The following PTPRG variants were observed in gnomAD, a reference collection of about 807,000 sequenced individuals.
PTPRG encodes the protein protein tyrosine phosphatase receptor type G, also known as receptor-type tyrosine-protein phosphatase gamma.
Under a neutral mutation model 165.3 loss-of-function variants are expected in PTPRG, and 102 were observed. That is an observed-to-expected ratio of 0.62 (90% CI 0.53 to 0.73). PTPRG has a LOEUF of 0.73. PTPRG is among the 30% of genes least tolerant of loss of function. The pLI, the probability that PTPRG is intolerant of heterozygous loss-of-function variation, is 0.00. For missense variants in PTPRG, 1,866 were observed against 1,861.4 expected, an observed-to-expected ratio of 1.00 and a Z score of -0.05; for synonymous variants, 675 against 669.5, an observed-to-expected ratio of 1.01 and a Z score of -0.13.
At chr3:61,948,251 G>A (rs1414165203) in intron 2 of PTPRG, among the ~76,000 whole-genome samples, 4 of 152,154 alleles carry the variant, frequency 2.6e-5, no homozygotes, top group Non-Finnish European at 5.9e-5. Context: ...CTTGAACCCA[G>A]GAGGTGGAGG....
At chr3:61,976,798 C>G (rs944830461) in intron 2 of PTPRG, among the ~76,000 whole-genome samples, 5 of 151,646 alleles carry the variant, frequency 3.3e-5, no homozygotes, top group African/African-American at 9.7e-5. Flanking sequence ...GCCTCAGCCT[C>G]CCGAGTAGCT....
chr3:61,630,714 C>T (rs1701750857), intron 1 of PTPRG, among the ~76,000 whole-genome samples: 2 of 152,136 alleles, frequency 1.3e-5, no homozygotes, highest in Non-Finnish European at 2.9e-5. Context: ...TATTCGCACA[C>T]TTGCCCCAAA....
intron 2 of PTPRG, among the ~76,000 whole-genome samples, chr3:61,871,194 T>TGTTAC (rs2037569796): frequency 6.7e-6 from 1 of 148,706 alleles, no homozygotes; most frequent in Non-Finnish European, 1.5e-5. Context: ...TGTTATGTTA[T>TGTTAC]GTTATGTTAT....
chr3:61,642,809 A>G (rs1207218181), intron 1 of PTPRG, among the ~76,000 whole-genome samples: 1 of 152,178 alleles, frequency 6.6e-6, no homozygotes, highest in East Asian at 1.9e-4. Context: ...GAGTGATGGA[A>G]ATAGACAATT....
chr3:61,673,858 C>T (rs1703118595), intron 1 of PTPRG, among the ~76,000 whole-genome samples: 1 of 152,092 alleles, frequency 6.6e-6, no homozygotes. Flanking sequence ...TGGCTTTGTC[C>T]ATAAAAACGT....
intron 1 of PTPRG, among the ~76,000 whole-genome samples, chr3:61,709,299 AT>A (rs2031430166): frequency 6.6e-6 from 1 of 152,042 alleles, no homozygotes; most frequent in Admixed American, 6.6e-5. Context: ...AAACAGTTGC[AT>A]TTTATTTTTT....
At chr3:61,664,214 A>G (rs951108177) in intron 1 of PTPRG, among the ~76,000 whole-genome samples, 2 of 152,166 alleles carry the variant, frequency 1.3e-5, no homozygotes, top group African/African-American at 4.8e-5. Context: ...TTCCCACTCT[A>G]CATGCTCCTT....
At position 62,219,557 on chromosome 3, in the gene PTPRG, C is replaced by A. The variant is rs551108550; in HGVS notation, c.2288+574C>A. ...CTCATGGGAAGCCAGGTTGCAGCCT[C>A]TGTTTAGAAGTTGTGTTTTTTCAGC... On this transcript the variant is annotated intron_variant, in intron 13 of 29. Coordinates refer to ENST00000474889, the MANE Select transcript of PTPRG (RefSeq NM_002841.4). This position sits in a 1 kb window ranked among gnomAD's most constrained non-coding sequence, Gnocchi z 4.5. Among the ~76,000 whole-genome samples the A allele has an allele frequency of 6.6e-6, 1 of 152,204 alleles. No individual in the cohort carries two copies. Among genetic ancestry groups the A allele is most frequent in the Non-Finnish European group, 1.5e-5 (1 of 68,034 alleles).
At chr3:61,705,257 T>G (rs1442682383) in intron 1 of PTPRG, among the ~76,000 whole-genome samples, 1 of 152,122 alleles carries the variant, frequency 6.6e-6, no homozygotes, top group Non-Finnish European at 1.5e-5. Flanking sequence ...CAAGTGGAAA[T>G]TACAGTTCTG....
chr3:62,059,711 A>G (rs780955073), intron 4 of PTPRG, among the ~76,000 whole-genome samples: 2 of 152,154 alleles, frequency 1.3e-5, no homozygotes, highest in Non-Finnish European at 2.9e-5. Context: ...ATCTTGAATT[A>G]TAGTTTCCAT....
At position 61,941,845 on chromosome 3, in the gene PTPRG, A is replaced by ATT. The variant is rs532873967; in HGVS notation, c.191-47770_191-47769dup. 5.4e-4 allele frequency among the ~76,000 whole-genome samples: 80 copies of ATT among 148,722 alleles called. 1 individual carries two copies. The East Asian group carries it at 6.9e-3, about 13-fold the overall frequency. Reference sequence around the variant, plus strand: ...TTTGCTAACCAGCATGTAAGAATAGATTTTTTTTTTTCTTTAGAAAGCCAG... The same window carrying ATT: ...TTTGCTAACCAGCATGTAAGAATAGATTTTTTTTTTTTTCTTTAGAAAGCCAG... On this transcript the variant is annotated intron_variant, in intron 2 of 29. Transcript: ENST00000474889.
intron 2 of PTPRG, among the ~76,000 whole-genome samples, chr3:61,928,484 CA>C (rs1302274262): frequency 5.3e-5 from 8 of 152,150 alleles, no homozygotes; most frequent in African/African-American, 1.9e-4. Context: ...AAGAAAAAGT[CA>C]TAGCAATTGT....
chr3:62,183,481 T>C (rs1705740223), intron 8 of PTPRG, among the ~76,000 whole-genome samples: 1 of 151,656 alleles, frequency 6.6e-6, no homozygotes, highest in Admixed American at 6.6e-5. Flanking sequence ...TGAGAATTGC[T>C]TGAATCCAGG....
chr3:61,656,387 A>G (rs1015797183), intron 1 of PTPRG, among the ~76,000 whole-genome samples: 4 of 152,134 alleles, frequency 2.6e-5, no homozygotes, highest in African/African-American at 7.2e-5. Flanking sequence ...ATAGCCCCCA[A>G]TTTACATATG....
Position 62,191,516 on chromosome 3 carries a change from A to G in PTPRG, c.1081A>G (p.Thr361Ala), listed in dbSNP as rs1332809719. Residue 361 changes from threonine (T) to alanine (A), a missense_variant, in exon 9 of 30, where the codon ACG (threonine) becomes GCG (alanine). Thr to Ala is a moderately conservative substitution (Grantham distance 58). Coordinates refer to ENST00000474889, the MANE Select transcript of PTPRG (RefSeq NM_002841.4). ...CATGAAGGTGCAGCCTCTGAACCAG[A>G]CGGCACTGCAGGTGTCCTGGAGCCA... ...IHMKVQPLNQ[T>A]ALQVSWSQPE... 1 of 1,613,968 alleles carries G rather than the reference A, an allele frequency of 6.2e-7. No individual in the cohort carries two copies. Among genetic ancestry groups the G allele is most frequent in the African/African-American group, 1.3e-5 (1 of 74,882 alleles).
intron 2 of PTPRG, among the ~76,000 whole-genome samples, chr3:61,868,902 G>C (rs2037483318): frequency 6.9e-6 from 1 of 145,888 alleles, no homozygotes; most frequent in African/African-American, 2.5e-5. Context: ...GTTCAGAAGG[G>C]TGTTTTTTTT....
intron 2 of PTPRG, among the ~76,000 whole-genome samples, chr3:61,759,051 T>C (rs547984184): frequency 6.6e-6 from 1 of 152,200 alleles, no homozygotes; most frequent in Admixed American, 6.5e-5. Context: ...AGTGGTGGTG[T>C]TAGTTTCAGT....
intron 2 of PTPRG, among the ~76,000 whole-genome samples, chr3:61,901,626 C>G (rs1390570338): frequency 6.6e-6 from 1 of 152,158 alleles, no homozygotes; most frequent in Non-Finnish European, 1.5e-5. Flanking sequence ...TTGTTTTGTA[C>G]TGTCTATTGA....
At chr3:61,778,389 G>A (rs1456710701) in intron 2 of PTPRG, among the ~76,000 whole-genome samples, 2 of 152,068 alleles carry the variant, frequency 1.3e-5, no homozygotes, top group Non-Finnish European at 2.9e-5. Context: ...GCACTCCTAT[G>A]CAAACGTCTG....
Sources: gnomAD v4.1 joint callset for allele counts (sites outside exome capture counted in the v4.1 genomes callset) on GRCh38, gnomAD v4.1.1 for gene constraint, Gnocchi (gnomAD v3.1) non-coding constraint, MANE v1.5 for transcripts, NCBI Gene and HGNC (gene_info 2026-07-23, HGNC 2026-07-21) for gene names.